The following GAK variants were observed in gnomAD, a reference collection of about 807,000 sequenced individuals.
GAK encodes cyclin-G-associated kinase.
A neutral mutation model predicts 143.9 loss-of-function variants in GAK; 79 were observed. That is an observed-to-expected ratio of 0.55 (90% CI 0.46 to 0.66). GAK has a LOEUF of 0.66. Ranked by LOEUF, GAK falls within the 30% of genes least tolerant of loss-of-function variation. GAK has a pLI of 0.00. For synonymous variants in GAK, 881 were observed against 765.5 expected (o/e 1.15, Z -2.49); for missense variants, 1,693 against 1,779.7 (o/e 0.95, Z 0.88).
intron 20 of GAK, among the ~76,000 whole-genome samples, 162 bp downstream of exon 20, chr4:868,377 A>C (rs1309039379): frequency 2.0e-5 from 3 of 152,062 alleles, no homozygotes; most frequent in East Asian, 3.9e-4. Context: ...TTAGCTCGTG[A>C]GCCATTAAAG....
intron 15 of GAK, 70 bp downstream of exon 15, chr4:881,837 C>A: frequency 6.7e-7 from 1 of 1,493,706 alleles, no homozygotes; most frequent in Admixed American, 2.1e-5. Flanking sequence ...CCAGGAGACA[C>A]CACAGCGGGG....
chr4:861,470 A>G (rs1336732699), intron 23 of GAK, among the ~76,000 whole-genome samples: 1 of 152,194 alleles, frequency 6.6e-6, no homozygotes, highest in African/African-American at 2.4e-5. Flanking sequence ...GAGTGCCTGT[A>G]GTCCCAGCTA....
chr4:877,141 G>T lies in GAK; in HGVS notation c.1923C>A (p.Leu641=). 1 of 1,614,002 alleles carries T rather than the reference G, an allele frequency of 6.2e-7. No individual in the cohort carries two copies. Among genetic ancestry groups the T allele is most frequent in the Non-Finnish European group, 8.5e-7 (1 of 1,179,956 alleles). The part of the protein sequence containing the change: ...PLGVTVQGDV[L]IVIYHARSTL... ...TGGACCGGGCGTGATAGATGACGAT[G>T]AGCACGTCTCCTTGCACCGTGACGC... The change falls in exon 17 of 28, where the codon CTC becomes CTA. Residue 641 remains leucine (L), a synonymous_variant. Transcript: ENST00000314167.
intron 11 of GAK, chr4:887,051 C>A (rs1300802292): frequency 6.6e-6 from 1 of 151,982 alleles, no homozygotes; most frequent in East Asian, 1.9e-4. Flanking sequence ...ATGCACGCGG[C>A]CCACACGCAC....
At chr4:891,474 T>G (rs1340468936) in intron 9 of GAK, among the ~76,000 whole-genome samples, 1 of 152,114 alleles carries the variant, frequency 6.6e-6, no homozygotes, top group East Asian at 1.9e-4. Context: ...GGGCAGTATT[T>G]TATTTCATTG....
At position 932,258 on chromosome 4, in the gene GAK, G is replaced by A; in HGVS notation, c.-71C>T. ...CGGGCTCCCGCTCCCTCGCCGTCCG[G>A]GTCAGCTCAGCAACCGCCGGCCCGG... On this transcript the variant is annotated 5_prime_UTR_variant, in exon 1 of 28. Coordinates refer to ENST00000314167, the MANE Select transcript of GAK (RefSeq NM_005255.4). This position sits in a 1 kb window ranked among gnomAD's most constrained non-coding sequence, Gnocchi z 4.0. The A allele has an allele frequency of 3.5e-6, 5 of 1,443,682 alleles. No individual in the cohort carries two copies. Among genetic ancestry groups the A allele is most frequent in the Non-Finnish European group, 4.5e-6 (5 of 1,105,706 alleles). The allele number at this position is 1,443,682 out of a possible 1,614,324, so 89.4% of individuals were successfully genotyped here. A position where few individuals can be genotyped will look rare whatever the true frequency, so the allele number is the denominator to read the frequency against.
intron 24 of GAK, 98 bp from the exon 25 acceptor site, chr4:852,072 G>A (rs996562293): frequency 1.1e-5 from 12 of 1,065,150 alleles, no homozygotes; most frequent in Admixed American, 8.0e-5. Context: ...GAAAACATGC[G>A]CTTGCAAAAT....
At position 873,048 on chromosome 4, in the gene GAK, G is replaced by A. The variant is rs531464015; in HGVS notation, c.2055-2144C>T. Among the ~76,000 whole-genome samples, 26 of 152,230 alleles carry A rather than the reference G, an allele frequency of 1.7e-4. No individual in the cohort carries two copies. In the South Asian group the frequency reaches 2.3e-3, roughly 13 times the overall value. On this transcript the variant is annotated intron_variant, in intron 18 of 27. Transcript: ENST00000314167. ...CGCAGGCTCACCACGCAGGGAACAC[G>A]CCTCTCGCCCACAGCGCAGCCTTGA...
chr4:883,776 C>T (rs772951306), intron 12 of GAK, among the ~76,000 whole-genome samples: 44 of 152,240 alleles, frequency 2.9e-4, no homozygotes, highest in East Asian at 3.9e-4. Context: ...TGGTTTTCCA[C>T]GGACACGGCC....
chr4:914,710 C>T (rs1462119875), intron 1 of GAK, among the ~76,000 whole-genome samples: 3 of 120,228 alleles, frequency 2.5e-5, no homozygotes, highest in South Asian at 2.9e-4. Flanking sequence ...CCCCAGCATA[C>T]ACGGCCCCCC....
At chr4:909,378 A>T (rs560316043) in intron 4 of GAK, among the ~76,000 whole-genome samples, 3 of 152,212 alleles carry the variant, frequency 2.0e-5, no homozygotes, top group Non-Finnish European at 4.4e-5. Flanking sequence ...ACAACAAGAG[A>T]TTGACTGACA....
At chr4:882,219 C>CA (rs1715282559) in intron 14 of GAK, among the ~76,000 whole-genome samples, 179 bp from the exon 15 acceptor site, 1 of 152,210 alleles carries the variant, frequency 6.6e-6, no homozygotes, top group African/African-American at 2.4e-5. Context: ...TGGAGCCCAA[C>CA]AGAGACTGAA....
At chr4:931,952 C>T (rs567147894) in intron 1 of GAK, 91 bp downstream of exon 1, 1 of 962,636 alleles carries the variant, frequency 1.0e-6, no homozygotes, top group African/African-American at 1.6e-5. Flanking sequence ...CAGCCCTAAC[C>T]CACGCCCTTC....
chr4:858,354 G>A (rs1045177572), intron 24 of GAK, among the ~76,000 whole-genome samples: 3 of 152,298 alleles, frequency 2.0e-5, no homozygotes, highest in South Asian at 2.1e-4. Context: ...GTTTCAGGCC[G>A]CCCACCGAGC....
intron 18 of GAK, 48 bp from the exon 19 acceptor site, chr4:870,952 G>T (rs867865861): frequency 1.3e-6 from 2 of 1,489,606 alleles, no homozygotes; most frequent in African/African-American, 2.8e-5. Flanking sequence ...CAAGTAGTCT[G>T]TAAGTCCTTG....
intron 1 of GAK, among the ~76,000 whole-genome samples, chr4:914,640 G>C (rs1409224285): frequency 1.3e-5 from 1 of 77,804 alleles, no homozygotes; most frequent in African/African-American, 5.4e-5. Flanking sequence ...CTCAGCCCTA[G>C]CGTGCACGGC....
Position 865,698 on chromosome 4 carries a change from C to T in GAK, c.3044-454G>A, listed in dbSNP as rs531816833. On this transcript the variant is annotated intron_variant, in intron 22 of 27. Transcript: ENST00000314167. Reference sequence around the variant, plus strand: ...ACACCTCTGGCGGCACCCGCCCCAACGCTGCAAGGCTGCACTCCACACACC... The same window carrying T: ...ACACCTCTGGCGGCACCCGCCCCAATGCTGCAAGGCTGCACTCCACACACC... 9.8e-5 allele frequency among the ~76,000 whole-genome samples: 15 copies of T among 152,356 alleles called. No individual in the cohort carries two copies. The South Asian group carries it at 1.7e-3, about 17-fold the overall frequency.
intron 23 of GAK, among the ~76,000 whole-genome samples, chr4:863,487 G>A (rs964636981): frequency 2.6e-5 from 4 of 152,174 alleles, no homozygotes; most frequent in African/African-American, 4.8e-5. Flanking sequence ...AGAGCACTGC[G>A]TGCCATAGGG....
At position 849,538 on chromosome 4, in the gene GAK, G is replaced by C; in HGVS notation, c.*135C>G. 1 of 636,756 alleles carries C rather than the reference G, an allele frequency of 1.6e-6. No homozygotes were observed. The highest frequency in any genetic ancestry group is 1.8e-5 in the South Asian group (1 of 54,662). 39.4% of individuals were successfully genotyped at this position (636,756 alleles called of 1,614,324 possible). A position where few individuals can be genotyped will look rare whatever the true frequency, so the allele number is the denominator to read the frequency against. ...TCTTCATGTGCCTGGAACGCTGGGCGGGCGGTGACCCGGGGCTCGGAGCCC... is the reference window on the plus strand; with the variant it reads ...TCTTCATGTGCCTGGAACGCTGGGCCGGCGGTGACCCGGGGCTCGGAGCCC... On this transcript the variant is annotated 3_prime_UTR_variant, in exon 28 of 28. Coordinates refer to ENST00000314167, the MANE Select transcript of GAK (RefSeq NM_005255.4).
Sources: allele counts gnomAD v4.1 joint callset (sites outside exome capture counted in the v4.1 genomes callset), GRCh38; gene constraint gnomAD v4.1.1; non-coding constraint Gnocchi (gnomAD v3.1); transcripts MANE v1.5; gene names NCBI Gene and HGNC (gene_info 2026-07-23, HGNC 2026-07-21).